The following DYRK1A variants were observed in gnomAD, a reference collection of about 807,000 sequenced individuals.
DYRK1A encodes dual specificity tyrosine phosphorylation regulated kinase 1A, also known as dual specificity tyrosine-phosphorylation-regulated kinase 1A.
DYRK1A carries 9 observed loss-of-function variants against 79.7 expected under a neutral mutation model. The ratio of observed to expected loss-of-function variants is 0.11; its 90% CI spans 0.07 to 0.20. DYRK1A has a LOEUF of 0.20. Among genes scored for constraint, DYRK1A ranks in the 10% least tolerant of loss-of-function variants. The pLI is 1.00. For synonymous variants in DYRK1A, 349 were observed against 329.7 expected, an observed-to-expected ratio of 1.06 and a Z score of -0.63; for missense variants, 622 against 956.0, an observed-to-expected ratio of 0.65 and a Z score of 4.61.
At chr21:37,448,446 T>G (rs1209703489) in intron 2 of DYRK1A, among the ~76,000 whole-genome samples, 1 of 152,122 alleles carries the variant, frequency 6.6e-6, no homozygotes, top group Non-Finnish European at 1.5e-5. Context: ...ACTCTAGAGG[T>G]CAGGAGATCA....
chr21:37,526,284 AAAATT>A lies in DYRK1A; in HGVS notation c.*13754_*13758del, dbSNP rs1373417043. The A allele has an allele frequency of 1.3e-5, 2 of 152,338 alleles. No homozygotes were observed. The highest frequency in any genetic ancestry group is 3.9e-4 in the East Asian group (2 of 5,188). 9.4% of individuals were successfully genotyped at this position (152,338 alleles called of 1,614,324 possible). ...GTGTTGAAAGGCAACTATCTAAAGA[AAAATT>A]TAATAGAGTCTAATAGAATCTTATA... On this transcript the variant is annotated 3_prime_UTR_variant, in exon 12 of 12. Coordinates refer to ENST00000647188, the MANE Select transcript of DYRK1A (RefSeq NM_001347721.2).
rs114076881 is a variant in DYRK1A at position 37,470,966 on chromosome 21, A to G, written c.11-1718A>G. Among the ~76,000 whole-genome samples the G allele has an allele frequency of 9.7e-3, 1,472 of 152,344 alleles. 22 individuals carry two copies. The highest frequency in any genetic ancestry group is 0.034 in the African/African-American group (1,409 of 41,566). ...TTTACTTATTTAATAAACATTATTAATCATGTAGATTGGGAAAGTTAAGGA... is the reference window on the plus strand; with the variant it reads ...TTTACTTATTTAATAAACATTATTAGTCATGTAGATTGGGAAAGTTAAGGA... On this transcript the variant is annotated intron_variant, in intron 2 of 11. Coordinates refer to ENST00000647188, the MANE Select transcript of DYRK1A (RefSeq NM_001347721.2).
intron 2 of DYRK1A, among the ~76,000 whole-genome samples, chr21:37,459,739 G>T (rs2051776252): frequency 6.6e-6 from 1 of 152,184 alleles, no homozygotes; most frequent in Non-Finnish European, 1.5e-5. Context: ...CATCTGGTTT[G>T]TTGTTTCTTG....
intron 2 of DYRK1A, among the ~76,000 whole-genome samples, chr21:37,451,448 A>T (rs1461872168): frequency 7.0e-6 from 1 of 142,396 alleles, no homozygotes; most frequent in African/African-American, 2.7e-5. Context: ...GTGATCTTTT[A>T]TATCATATTT....
At chr21:37,438,677 T>C (rs73218423) in intron 2 of DYRK1A, among the ~76,000 whole-genome samples, 11,481 of 152,284 alleles carry the variant, frequency 0.075, 643 homozygotes, top group Non-Finnish European at 0.11. Flanking sequence ...TCTGTTCCAT[T>C]AATCTATTTG....
intron 1 of DYRK1A, among the ~76,000 whole-genome samples, chr21:37,368,572 T>G (rs2148348815): frequency 6.6e-6 from 1 of 152,326 alleles, no homozygotes; most frequent in Non-Finnish European, 1.5e-5. Context: ...GCCCAAATTG[T>G]CAGAAAATAC....
In DYRK1A at chr21:37,505,543, GCAGTCT is replaced by G; in HGVS notation, c.1480_1485del (p.Gln494_Ser495del). Reference sequence around the variant, plus strand: ...GTGTATCTACAAGCCCCGCCATGGAGCAGTCTCAGTCTTCGGGCACCACCTCCAGTA... The same window carrying G: ...GTGTATCTACAAGCCCCGCCATGGAGCAGTCTTCGGGCACCACCTCCAGTA... On this transcript the variant is annotated inframe_deletion, in exon 10 of 12. Coordinates refer to ENST00000647188, the MANE Select transcript of DYRK1A (RefSeq NM_001347721.2). 6.2e-7 allele frequency: 1 copy of G among 1,611,070 alleles called. No homozygotes were observed. Among genetic ancestry groups the G allele is most frequent in the Non-Finnish European group, 8.5e-7 (1 of 1,179,986 alleles).
At chr21:37,475,233 T>G (rs898463014) in intron 3 of DYRK1A, among the ~76,000 whole-genome samples, 8 of 152,162 alleles carry the variant, frequency 5.3e-5, no homozygotes, top group Non-Finnish European at 1.0e-4. Flanking sequence ...TCCCTTTTAT[T>G]AGGTTACTTG....
At chr21:37,405,233 G>T (rs1221257119) in intron 1 of DYRK1A, among the ~76,000 whole-genome samples, 2 of 152,280 alleles carry the variant, frequency 1.3e-5, no homozygotes, top group East Asian at 3.9e-4. Context: ...GGCCCAGGCA[G>T]ATGCTGTGGG....
At chr21:37,387,954 T>C (rs2049793013) in intron 1 of DYRK1A, among the ~76,000 whole-genome samples, 1 of 152,130 alleles carries the variant, frequency 6.6e-6, no homozygotes, top group Non-Finnish European at 1.5e-5. Flanking sequence ...AGGTAGAAAA[T>C]ATAATGAGCT....
chr21:37,457,033 CTTACTTATTTATTTATTTATTTAT>C (rs1178229601), intron 2 of DYRK1A, among the ~76,000 whole-genome samples: 252 of 118,298 alleles, frequency 2.1e-3, no homozygotes, highest in South Asian at 4.1e-3. Context: ...TACTTACTTA[CTTACTTATTTATTTATTTATTTAT>C]TTATTTATTT....
In DYRK1A at chr21:37,512,330, T is replaced by C. The variant is rs759473223; in HGVS notation, c.2064T>C (p.Ala688=). 6.2e-7 allele frequency: 1 copy of C among 1,614,204 alleles called. No homozygotes were observed. Among genetic ancestry groups the C allele is most frequent in the Non-Finnish European group, 8.5e-7 (1 of 1,180,044 alleles). Residue 688 remains alanine, a synonymous_variant, in exon 12 of 12, where the codon GCT becomes GCC. Coordinates refer to ENST00000647188, the MANE Select transcript of DYRK1A (RefSeq NM_001347721.2). The part of the protein sequence containing the change: ...ANTLDFGQNG[A]MDVNLTVYSN... ...CCTTGGACTTTGGACAGAATGGAGC[T>C]ATGGACGTTAATTTGACCGTCTACT...
intron 2 of DYRK1A, among the ~76,000 whole-genome samples, chr21:37,463,904 A>T (rs1319736637): frequency 6.6e-6 from 1 of 152,184 alleles, no homozygotes; most frequent in Non-Finnish European, 1.5e-5. Flanking sequence ...TAGATGCTAT[A>T]GTTTTAATTA....
chr21:37,437,933 T>A (rs901032740), intron 2 of DYRK1A, among the ~76,000 whole-genome samples: 10 of 152,230 alleles, frequency 6.6e-5, no homozygotes, highest in Admixed American at 2.6e-4. Context: ...TAAATGGTTT[T>A]ACAAAGTAGT....
At chr21:37,431,559 A>G (rs137961717) in intron 2 of DYRK1A, among the ~76,000 whole-genome samples, 128 of 152,224 alleles carry the variant, frequency 8.4e-4, no homozygotes, top group African/African-American at 2.6e-3. Context: ...TGTTTTACCC[A>G]TTACCTCCTG....
At chr21:37,464,421 T>C in intron 2 of DYRK1A, 1 of 324,312 alleles carries the variant, frequency 3.1e-6, no homozygotes, top group Non-Finnish European at 5.9e-6. Context: ...AGAAACATGC[T>C]CATGGTAAAA....
At chr21:37,415,394 G>A (rs1220714787) in intron 1 of DYRK1A, 1 of 152,050 alleles carries the variant, frequency 6.6e-6, no homozygotes, top group African/African-American at 2.4e-5. Context: ...CTTGACCAAG[G>A]TTTTAATGCA....
chr21:37,399,566 G>C (rs2050017658), intron 1 of DYRK1A, among the ~76,000 whole-genome samples: 2 of 152,212 alleles, frequency 1.3e-5, no homozygotes, highest in Admixed American at 6.5e-5. Context: ...GTTGTTGACA[G>C]TTTTGGTGTG....
rs2053260115 is a variant in DYRK1A, at chr21:37,496,102, T to G, written c.1072-16T>G. The G allele has an allele frequency of 3.1e-6, 5 of 1,593,998 alleles. No individual in the cohort carries two copies. The highest frequency in any genetic ancestry group is 4.3e-6 in the Non-Finnish European group (5 of 1,174,244). On this transcript the variant is annotated splice_polypyrimidine_tract_variant and intron_variant, in intron 8 of 11. Transcript: ENST00000647188. The stretch of plus-strand genomic sequence containing the variant: ...AGTAGAAATTACAGGTTTTGTTGTT[T>G]TTATTTTTAATACAGGTAGATCAGA...
Sources: allele counts gnomAD v4.1 joint callset (sites outside exome capture counted in the v4.1 genomes callset), GRCh38; gene constraint gnomAD v4.1.1; transcripts MANE v1.5; gene names NCBI Gene and HGNC (gene_info 2026-07-23, HGNC 2026-07-21).